The following ERBB4 variants were observed in gnomAD, a reference collection of about 807,000 sequenced individuals.
ERBB4 encodes the protein receptor tyrosine-protein kinase erbB-4.
Under a neutral mutation model 158.0 loss-of-function variants are expected in ERBB4, and 42 were observed. The ratio of observed to expected loss-of-function variants is 0.27; its 90% CI spans 0.21 to 0.34. The LOEUF (loss-of-function observed/expected upper bound fraction) is 0.34. Among genes scored for constraint, ERBB4 ranks in the 10% least tolerant of loss-of-function variants. The pLI is 1.00. For missense variants in ERBB4, 1,333 were observed against 1,624.1 expected (o/e 0.82, Z 3.08); for synonymous variants, 583 against 558.7 (o/e 1.04, Z -0.61).
At chr2:211,809,632 A>G (rs1342359862) in intron 3 of ERBB4, among the ~76,000 whole-genome samples, 2 of 152,116 alleles carry the variant, frequency 1.3e-5, no homozygotes, top group East Asian at 3.9e-4. Context: ...GATCTTTTCC[A>G]AAAACCAGGT....
intron 1 of ERBB4, among the ~76,000 whole-genome samples, chr2:212,369,753 T>C (rs2090020045): frequency 6.6e-6 from 1 of 152,034 alleles, no homozygotes; most frequent in Non-Finnish European, 1.5e-5. Flanking sequence ...GACTGCAGTG[T>C]AAGATCATAG....
At chr2:211,402,681 G>A (rs1008209940) in intron 25 of ERBB4, among the ~76,000 whole-genome samples, 5 of 151,988 alleles carry the variant, frequency 3.3e-5, no homozygotes, top group East Asian at 1.9e-4. Flanking sequence ...CATCCTAAGC[G>A]TATAGACAAG....
At position 211,378,887 on chromosome 2, in the gene ERBB4, CTT is replaced by C. The variant is rs10585346; in HGVS notation, c.*4726_*4727del. The C allele has an allele frequency of 0.59, 130,067 of 219,260 alleles. 35,972 individuals are homozygous for C. Among genetic ancestry groups the C allele is most frequent in the South Asian group, 0.77 (4,070 of 5,300 alleles). The allele number at this position is 219,260 out of a possible 1,614,324, so 13.6% of individuals were successfully genotyped here. A position where few individuals can be genotyped will look rare whatever the true frequency, so the allele number is the denominator to read the frequency against. On this transcript the variant is annotated 3_prime_UTR_variant, in exon 28 of 28. Coordinates refer to ENST00000342788, the MANE Select transcript of ERBB4 (RefSeq NM_005235.3). ...ACAGTAGAAGTTAATTTATCTGTTT[CTT>C]TTTTTTTTTTTAACAACTAGAAGCT...
intron 20 of ERBB4, among the ~76,000 whole-genome samples, chr2:211,541,433 C>T (rs917257801): frequency 6.6e-6 from 1 of 151,950 alleles, no homozygotes; most frequent in Non-Finnish European, 1.5e-5. Flanking sequence ...CTACAGTTAA[C>T]TTTGCTTCAT....
chr2:211,387,352 G>A (rs1196836327), intron 26 of ERBB4, among the ~76,000 whole-genome samples: 1 of 151,944 alleles, frequency 6.6e-6, no homozygotes, highest in Non-Finnish European at 1.5e-5. Flanking sequence ...TAAATCATCA[G>A]AAAATAATTT....
intron 3 of ERBB4, among the ~76,000 whole-genome samples, chr2:211,872,060 A>G (rs1162619522): frequency 7.1e-6 from 1 of 141,358 alleles, no homozygotes; most frequent in African/African-American, 2.6e-5. Flanking sequence ...CATTTCAATA[A>G]TTGCTTTTAA....
intron 19 of ERBB4, among the ~76,000 whole-genome samples, chr2:211,574,211 G>C (rs1325622178): frequency 6.6e-6 from 1 of 152,152 alleles, no homozygotes; most frequent in Non-Finnish European, 1.5e-5. Flanking sequence ...AAGCATGCAA[G>C]ACAGGAAAAC....
At chr2:212,423,424 T>A (rs115210641) in intron 1 of ERBB4, among the ~76,000 whole-genome samples, 1 of 152,178 alleles carries the variant, frequency 6.6e-6, no homozygotes, top group Admixed American at 6.5e-5. Flanking sequence ...CAACTAGTAA[T>A]GTCAAGAGTT....
intron 3 of ERBB4, among the ~76,000 whole-genome samples, chr2:211,850,179 TA>T (rs2077684409): frequency 6.6e-6 from 1 of 151,924 alleles, no homozygotes; most frequent in Admixed American, 6.6e-5. Context: ...TGTATTGTAA[TA>T]TTAGCAATAA....
intron 19 of ERBB4, among the ~76,000 whole-genome samples, chr2:211,589,034 T>C (rs2068380099): frequency 6.6e-6 from 1 of 152,158 alleles, no homozygotes; most frequent in South Asian, 2.1e-4. Context: ...ATAACTGTGT[T>C]CAAATCCTGA....
intron 3 of ERBB4, among the ~76,000 whole-genome samples, chr2:211,839,687 A>G (rs538682887): frequency 1.8e-4 from 27 of 152,118 alleles, no homozygotes; most frequent in Non-Finnish European, 3.5e-4. Flanking sequence ...TTGGTACTGA[A>G]AGATAAAATG....
At chr2:211,524,674 C>CTCCGGCTGCTCCGGCTGCTCCGAGTGCT (rs1185583504) in intron 20 of ERBB4, among the ~76,000 whole-genome samples, 1 of 135,238 alleles carries the variant, frequency 7.4e-6, no homozygotes, top group African/African-American at 3.3e-5. Flanking sequence ...GCTCCGAGTG[C>CTCCGGCTGCTCCGGCTGCTCCGAGTGCT]GGGGCCGCCA....
chr2:211,517,629 C>G (rs2066072610), intron 20 of ERBB4, among the ~76,000 whole-genome samples: 1 of 152,126 alleles, frequency 6.6e-6, no homozygotes, highest in Non-Finnish European at 1.5e-5. Flanking sequence ...AGAGCTCTGT[C>G]TCTGACATTT....
intron 3 of ERBB4, among the ~76,000 whole-genome samples, chr2:211,899,099 A>C (rs2079168930): frequency 6.6e-6 from 1 of 152,156 alleles, no homozygotes; most frequent in Non-Finnish European, 1.5e-5. Context: ...GAAGAGAAGC[A>C]AGACAAAAAC....
At chr2:211,466,357 A>G (rs1441273901) in intron 20 of ERBB4, among the ~76,000 whole-genome samples, 1 of 150,794 alleles carries the variant, frequency 6.6e-6, no homozygotes, top group African/African-American at 2.4e-5. Context: ...TTTAAAAAAA[A>G]AAAAAGGAAC....
intron 1 of ERBB4, among the ~76,000 whole-genome samples, chr2:212,211,676 T>G (rs1182912428): frequency 1.3e-5 from 2 of 151,654 alleles, no homozygotes; most frequent in Non-Finnish European, 2.9e-5. Context: ...GGTATATGTG[T>G]GCCATGGTGG....
At chr2:211,854,922 G>A (rs1238191087) in intron 3 of ERBB4, among the ~76,000 whole-genome samples, 2 of 152,016 alleles carry the variant, frequency 1.3e-5, no homozygotes, top group Non-Finnish European at 2.9e-5. Context: ...TATACCTTTA[G>A]CCGCTATTGC....
At chr2:211,666,576 G>A (rs1011742084) in intron 14 of ERBB4, among the ~76,000 whole-genome samples, 1 of 152,202 alleles carries the variant, frequency 6.6e-6, no homozygotes, top group Non-Finnish European at 1.5e-5. Context: ...TATATCGTCA[G>A]AGCAAAGAAA....
At chr2:211,765,680 G>A (rs184294626) in intron 4 of ERBB4, among the ~76,000 whole-genome samples, 199 of 152,248 alleles carry the variant, frequency 1.3e-3, no homozygotes, top group African/African-American at 4.5e-3. Flanking sequence ...TGTATAGCAA[G>A]TCTTTTCAAT....
Sources: allele counts gnomAD v4.1 joint callset (sites outside exome capture counted in the v4.1 genomes callset), GRCh38; gene constraint gnomAD v4.1.1; transcripts MANE v1.5; gene names NCBI Gene and HGNC (gene_info 2026-07-23, HGNC 2026-07-21).